INPP5A: variants seen among roughly 807,000 people sequenced by gnomAD.
The protein encoded by INPP5A is 43 kDa inositol polyphosphate 5-phophatase.
Under a neutral mutation model 65.2 loss-of-function variants are expected in INPP5A, and 14 were observed. The observed-to-expected ratio is 0.21, with a 90% CI of 0.14 to 0.34. The LOEUF is 0.34. Among genes scored for constraint, INPP5A ranks in the 10% least tolerant of loss-of-function variants. INPP5A has a pLI of 1.00. For synonymous variants in INPP5A, 207 were observed against 208.3 expected (o/e 0.99, Z 0.05); for missense variants, 431 against 545.6 (o/e 0.79, Z 2.09).
chr10:132,596,841 G>T (rs534621514), intron 1 of INPP5A, among the ~76,000 whole-genome samples: 3 of 138,268 alleles, frequency 2.2e-5, no homozygotes, highest in Non-Finnish European at 4.9e-5. Flanking sequence ...GTGTGCGTGT[G>T]TGCATGCGTG....
rs560158599 is a variant in INPP5A, at chr10:132,616,400, G to A, written c.117+8444G>A. Among the ~76,000 whole-genome samples, 6 of 152,122 alleles carry A rather than the reference G, an allele frequency of 3.9e-5. No homozygotes were observed. Among genetic ancestry groups the A allele is most frequent in the Middle Eastern group, 3.4e-3 (1 of 294 alleles). ...GTGGGCGTGGTGTGAGGTATGTGGC[G>A]TGCGGGGACGCCGTGGGCGTGGTGT... is the stretch of plus-strand genomic sequence containing the variant. On this transcript the variant is annotated intron_variant, in intron 2 of 15. Coordinates refer to ENST00000368594, the MANE Select transcript of INPP5A (RefSeq NM_005539.5). This position sits in a 1 kb window ranked among gnomAD's most constrained non-coding sequence, Gnocchi z 4.9.
chr10:132,607,133 A>G (rs140374122), intron 1 of INPP5A, among the ~76,000 whole-genome samples: 1 of 152,280 alleles, frequency 6.6e-6, no homozygotes, highest in East Asian at 1.9e-4. Context: ...GCTGGCACAG[A>G]GCCCAGGAGC....
At chr10:132,561,011 T>G (rs1261964943) in intron 1 of INPP5A, among the ~76,000 whole-genome samples, 1 of 151,950 alleles carries the variant, frequency 6.6e-6, no homozygotes, top group African/African-American at 2.4e-5. Context: ...TCTCTTGTTC[T>G]GTGTGTTGTC....
chr10:132,744,424 A>G (rs1846330895), intron 9 of INPP5A, among the ~76,000 whole-genome samples: 1 of 152,176 alleles, frequency 6.6e-6, no homozygotes, highest in African/African-American at 2.4e-5. Context: ...AGGGTGGGAC[A>G]CTGCGGCTCC....
chr10:132,633,465 C>T (rs950876326), intron 2 of INPP5A, among the ~76,000 whole-genome samples: 2 of 152,162 alleles, frequency 1.3e-5, no homozygotes, highest in African/African-American at 2.4e-5. Context: ...GCGTGTCTGT[C>T]GGCTCTGGTG....
At chr10:132,629,343 T>C (rs190161561) in intron 2 of INPP5A, among the ~76,000 whole-genome samples, 176 of 152,332 alleles carry the variant, frequency 1.2e-3, no homozygotes, top group African/African-American at 3.9e-3. Context: ...CCTGCTCAAC[T>C]TCAGGTGACG....
intron 1 of INPP5A, among the ~76,000 whole-genome samples, chr10:132,558,451 G>A (rs1045682570): frequency 4.6e-5 from 7 of 152,202 alleles, no homozygotes; most frequent in Non-Finnish European, 7.3e-5. Context: ...CTGAAGCCAC[G>A]TCCACGTCGG....
chr10:132,646,556 G>T (rs1301124427), intron 3 of INPP5A, among the ~76,000 whole-genome samples: 1 of 152,176 alleles, frequency 6.6e-6, no homozygotes, highest in Non-Finnish European at 1.5e-5. Flanking sequence ...CCTCCTATAG[G>T]CTGTTGCTAA....
chr10:132,692,767 G>A (rs1236050347), intron 5 of INPP5A, among the ~76,000 whole-genome samples: 1 of 152,216 alleles, frequency 6.6e-6, no homozygotes, highest in Admixed American at 6.5e-5. Flanking sequence ...TTTGTTGCCA[G>A]TAGACCTGCC....
At position 132,550,635 on chromosome 10, in the gene INPP5A, C is replaced by G. The variant is rs758426300; in HGVS notation, c.75+12464C>G. ...CAAGCCGGCATTCTGGCTGGGCTCG[C>G]TGGCCACAGGACGTCCACTGTAGGA... On this transcript the variant is annotated intron_variant, in intron 1 of 15. Transcript: ENST00000368594. This position sits in a 1 kb window ranked among gnomAD's most constrained non-coding sequence, Gnocchi z 4.2. Among the ~76,000 whole-genome samples, 1 of 152,218 alleles carries G rather than the reference C, an allele frequency of 6.6e-6. No homozygotes were observed. Among genetic ancestry groups the G allele is most frequent in the Admixed American group, 6.5e-5 (1 of 15,292 alleles).
intron 11 of INPP5A, among the ~76,000 whole-genome samples, chr10:132,755,016 TGTGTGAGTATGC>T (rs1215075632): frequency 6.7e-5 from 10 of 149,656 alleles, no homozygotes; most frequent in Admixed American, 2.7e-4. Context: ...CATGTGAGCC[TGTGTGAGTATGC>T]GTGTGTGTGA....
chr10:132,772,411 C>G (rs796392740), intron 12 of INPP5A, among the ~76,000 whole-genome samples: 7 of 79,708 alleles, frequency 8.8e-5, no homozygotes, highest in African/African-American at 3.3e-4. Flanking sequence ...AGCCACCCCA[C>G]GAGGAGTGGG....
At chr10:132,585,838 G>T (rs1247419508) in intron 1 of INPP5A, among the ~76,000 whole-genome samples, 1 of 152,220 alleles carries the variant, frequency 6.6e-6, no homozygotes, top group African/African-American at 2.4e-5. Context: ...TGCCCTGCAG[G>T]TGGAGTGTCC....
intron 1 of INPP5A, among the ~76,000 whole-genome samples, chr10:132,605,705 G>A (rs1021371295): frequency 5.9e-5 from 9 of 151,914 alleles, no homozygotes; most frequent in Admixed American, 1.3e-4. Context: ...CATGGTCACC[G>A]TGGCCGTCAC....
chr10:132,749,488 G>T, intron 9 of INPP5A, 29 bp from the exon 10 acceptor site: 2 of 1,607,990 alleles, frequency 1.2e-6, no homozygotes, highest in Non-Finnish European at 8.5e-7. Flanking sequence ...GCCCCCCTGG[G>T]ACTTATCTCC....
intron 6 of INPP5A, among the ~76,000 whole-genome samples, chr10:132,702,045 G>A (rs1206642936): frequency 6.6e-6 from 1 of 152,234 alleles, no homozygotes; most frequent in Admixed American, 6.5e-5. Context: ...CTGCAGCCAC[G>A]GGCCGTGGAA....
chr10:132,592,350 A>T (rs1255910013), intron 1 of INPP5A, among the ~76,000 whole-genome samples: 1 of 152,250 alleles, frequency 6.6e-6, no homozygotes, highest in Admixed American at 6.5e-5. Flanking sequence ...GAAAGGTTTA[A>T]ATTGGGGTCT....
intron 1 of INPP5A, among the ~76,000 whole-genome samples, chr10:132,572,813 G>A (rs1484059040): frequency 6.6e-6 from 1 of 152,186 alleles, no homozygotes; most frequent in Non-Finnish European, 1.5e-5. Flanking sequence ...AGCGTGCCTT[G>A]GAGTGTTTCC....
At chr10:132,582,520 C>T (rs183799148) in intron 1 of INPP5A, among the ~76,000 whole-genome samples, 38 of 151,412 alleles carry the variant, frequency 2.5e-4, no homozygotes, top group African/African-American at 9.2e-4. Flanking sequence ...CGGGCTCAAG[C>T]GATCCTCCCA....
Sources: allele counts gnomAD v4.1 joint callset (sites outside exome capture counted in the v4.1 genomes callset), GRCh38; gene constraint gnomAD v4.1.1; non-coding constraint Gnocchi (gnomAD v3.1); transcripts MANE v1.5; gene names NCBI Gene and HGNC (gene_info 2026-07-23, HGNC 2026-07-21).